The following STX8 variants were observed in gnomAD, a reference collection of about 807,000 sequenced individuals.
STX8 encodes the protein syntaxin-8.
STX8 carries 23 observed loss-of-function variants against 37.5 expected under a neutral mutation model. That is an observed-to-expected ratio of 0.61 (90% CI 0.44 to 0.87). The LOEUF is 0.87. Ranked by LOEUF, STX8 falls within the 40% of genes least tolerant of loss-of-function variation. The probability of loss-of-function intolerance (pLI) is 0.00; values close to 1 mark genes in which losing one functional copy is unlikely to be tolerated. For missense variants in STX8, 313 were observed against 284.7 expected (o/e 1.10, Z -0.71); for synonymous variants, 115 against 99.1 (o/e 1.16, Z -0.95).
At chr17:9,371,498 G>C (rs1202239898) in intron 7 of STX8, among the ~76,000 whole-genome samples, 2 of 152,176 alleles carry the variant, frequency 1.3e-5, no homozygotes, top group Non-Finnish European at 2.9e-5. Context: ...AGAGCAGGTG[G>C]TTAACTCTTC....
At chr17:9,331,749 T>C (rs940106220) in intron 7 of STX8, among the ~76,000 whole-genome samples, 5 of 152,156 alleles carry the variant, frequency 3.3e-5, no homozygotes, top group African/African-American at 1.2e-4. Context: ...AAACACGCCC[T>C]GTTTTTCCTC....
intron 7 of STX8, among the ~76,000 whole-genome samples, chr17:9,346,643 A>G (rs1386166325): frequency 6.6e-6 from 1 of 152,240 alleles, no homozygotes; most frequent in Admixed American, 6.5e-5. Flanking sequence ...CAAATAAAGT[A>G]TTTTAGGAAA....
chr17:9,556,824 A>T (rs1907001759), intron 3 of STX8: 1 of 140,372 alleles, frequency 7.1e-6, no homozygotes, highest in African/African-American at 2.7e-5. Flanking sequence ...TATATATTTT[A>T]ACACTTGGTA....
chr17:9,527,136 G>A (rs556629058), intron 4 of STX8, among the ~76,000 whole-genome samples: 299 of 114,438 alleles, frequency 2.6e-3, no homozygotes, highest in South Asian at 0.022. Context: ...CCGAGATTGC[G>A]CCACTGCAGT....
chr17:9,456,911 C>G (rs9911704), intron 6 of STX8, among the ~76,000 whole-genome samples: 62,418 of 151,978 alleles, frequency 0.41, 13,363 homozygotes, highest in East Asian at 0.74. Context: ...TGCATTTTTT[C>G]ACTATTCAGC....
rs530821529 is a variant in STX8 at position 9,490,534 on chromosome 17, G to A, written c.541+1295C>T. ...CTACAGGTGTGGGCCACCACGCCCA[G>A]CTAATTTTTTGTATTTTTAGTAGAG... On this transcript the variant is annotated intron_variant, in intron 6 of 7. Coordinates refer to ENST00000306357, the MANE Select transcript of STX8 (RefSeq NM_004853.3). Among the ~76,000 whole-genome samples, 17 of 152,042 alleles carry A rather than the reference G, an allele frequency of 1.1e-4. No individual in the cohort carries two copies. In the South Asian group the frequency reaches 3.5e-3, roughly 32 times the overall value.
At chr17:9,353,415 A>G (rs1910774714) in intron 7 of STX8, among the ~76,000 whole-genome samples, 1 of 152,248 alleles carries the variant, frequency 6.6e-6, no homozygotes, top group Non-Finnish European at 1.5e-5. Flanking sequence ...GCTCATTACT[A>G]CAGGAGTATC....
chr17:9,365,307 T>C lies in STX8; in HGVS notation c.643+13245A>G, dbSNP rs1408304510. 4.6e-5 allele frequency among the ~76,000 whole-genome samples: 7 copies of C among 152,254 alleles called. No individual in the cohort carries two copies. In the East Asian group the frequency reaches 1.3e-3, roughly 29 times the overall value. On this transcript the variant is annotated intron_variant, in intron 7 of 7. Coordinates refer to ENST00000306357, the MANE Select transcript of STX8 (RefSeq NM_004853.3). ...ATTCCCACTTAGTAAAAATCTGCCGTTGACGGCTCTAGTTTGCCACTGGAG... is the reference window on the plus strand; with the variant it reads ...ATTCCCACTTAGTAAAAATCTGCCGCTGACGGCTCTAGTTTGCCACTGGAG...
At chr17:9,364,540 T>A (rs767026912) in intron 7 of STX8, among the ~76,000 whole-genome samples, 61 of 151,876 alleles carry the variant, frequency 4.0e-4, no homozygotes, top group African/African-American at 1.1e-3. Flanking sequence ...TTGTTTATAT[T>A]TTTTTTTGAG....
chr17:9,471,012 C>T (rs993137025), intron 6 of STX8, among the ~76,000 whole-genome samples: 5 of 104,376 alleles, frequency 4.8e-5, no homozygotes, highest in South Asian at 3.7e-4. Context: ...GGATTACAGG[C>T]GTGAGCCACT....
At chr17:9,545,129 GTCT>G (rs1158259819) in intron 4 of STX8, 40 bp downstream of exon 4, 1 of 1,368,374 alleles carries the variant, frequency 7.3e-7, no homozygotes. Context: ...CTGCAAAGAA[GTCT>G]TCGCCCACCA....
intron 6 of STX8, among the ~76,000 whole-genome samples, chr17:9,401,056 A>G (rs1912600658): frequency 6.6e-6 from 1 of 152,216 alleles, no homozygotes; most frequent in Non-Finnish European, 1.5e-5. Flanking sequence ...TGTCAGCCTG[A>G]GAAACTTCCT....
chr17:9,465,129 A>G (rs980461609), intron 6 of STX8, among the ~76,000 whole-genome samples: 1 of 151,518 alleles, frequency 6.6e-6, no homozygotes, highest in Non-Finnish European at 1.5e-5. Context: ...AAGTCATCTA[A>G]TTTTCCCTCC....
At chr17:9,467,306 A>G (rs9895062) in intron 6 of STX8, 21,340 of 152,136 alleles carry the variant, frequency 0.14, 2,803 homozygotes, top group East Asian at 0.71. Context: ...TAATTTGCCA[A>G]ATCCTAGAGG....
At chr17:9,502,786 T>C (rs1904666314) in intron 5 of STX8, among the ~76,000 whole-genome samples, 1 of 152,086 alleles carries the variant, frequency 6.6e-6, no homozygotes, top group South Asian at 2.1e-4. Context: ...ATCCATACAA[T>C]GGAATACAAA....
At chr17:9,252,609 CAAAAAAA>C (rs60037652) in intron 7 of STX8, among the ~76,000 whole-genome samples, 18,152 of 94,038 alleles carry the variant, frequency 0.19, 1,344 homozygotes, top group East Asian at 0.27. Context: ...AACTCTGTCT[CAAAAAAA>C]AAAAAAAAAG....
intron 1 of STX8, among the ~76,000 whole-genome samples, chr17:9,569,083 G>A (rs1242160825): frequency 6.6e-6 from 1 of 152,188 alleles, no homozygotes; most frequent in Non-Finnish European, 1.5e-5. Flanking sequence ...TCTGCCTGCT[G>A]CAAACCAAGG....
chr17:9,315,944 G>A lies in STX8; in HGVS notation c.643+62608C>T, dbSNP rs181429967. On this transcript the variant is annotated intron_variant, in intron 7 of 7. Transcript: ENST00000306357. ...CAGGAGAAAGGCTTGAACCCGGGAG[G>A]TAGAGGTTGCAAGTGAGCCGAGATC... 6.6e-5 allele frequency among the ~76,000 whole-genome samples: 10 copies of A among 151,930 alleles called. No homozygotes were observed. In the East Asian group the frequency reaches 1.9e-3, roughly 30 times the overall value.
At chr17:9,308,695 C>G (rs927216464) in intron 7 of STX8, among the ~76,000 whole-genome samples, 33 of 144,772 alleles carry the variant, frequency 2.3e-4, no homozygotes, top group African/African-American at 7.0e-4. Flanking sequence ...AGCACTCTAG[C>G]CTGGAGGACA....
Sources: gnomAD v4.1 joint callset for allele counts (sites outside exome capture counted in the v4.1 genomes callset) on GRCh38, gnomAD v4.1.1 for gene constraint, MANE v1.5 for transcripts, NCBI Gene and HGNC (gene_info 2026-07-23, HGNC 2026-07-21) for gene names.